Variants in SMOC2 observed in about 807,000 individuals in gnomAD.
The protein encoded by SMOC2 is SPARC related modular calcium binding 2.
A neutral mutation model predicts 61.4 loss-of-function variants in SMOC2; 39 were observed. That is an observed-to-expected ratio of 0.64 (90% confidence interval 0.49 to 0.83). The LOEUF (loss-of-function observed/expected upper bound fraction) is 0.83, where lower values mean the gene tolerates loss of function less well. Among genes scored for constraint, SMOC2 ranks in the 40% least tolerant of loss-of-function variants. The probability of loss-of-function intolerance (pLI) is 0.00; values close to 1 mark genes in which losing one functional copy is unlikely to be tolerated. For missense variants in SMOC2, 556 were observed against 592.9 expected (o/e 0.94, Z 0.65); for synonymous variants, 247 against 239.9 (o/e 1.03, Z -0.27).
chr6:168,506,120 A>T (rs1782867202), intron 1 of SMOC2, among the ~76,000 whole-genome samples: 1 of 151,580 alleles, frequency 6.6e-6, no homozygotes, highest in South Asian at 2.1e-4. Context: ...TGAGCCTCCC[A>T]CCTCAGCCTC....
intron 7 of SMOC2, among the ~76,000 whole-genome samples, chr6:168,563,336 GTGTATGTGTGTATA>G (rs1784466739): frequency 6.6e-6 from 1 of 152,062 alleles, no homozygotes; most frequent in South Asian, 2.1e-4. Context: ...GTTTATATAT[GTGTATGTGTGTATA>G]TGTATGTGTG....
chr6:168,442,845 T>A (rs1781248312), intron 1 of SMOC2, among the ~76,000 whole-genome samples: 1 of 152,190 alleles, frequency 6.6e-6, no homozygotes, highest in Non-Finnish European at 1.5e-5. Context: ...ACAAATGACT[T>A]GTAGATTAGA....
intron 8 of SMOC2, among the ~76,000 whole-genome samples, chr6:168,599,598 C>CCCCCACACACCCACACATAT (rs1562373091): frequency 1.5e-5 from 2 of 133,422 alleles, no homozygotes; most frequent in African/African-American, 6.1e-5. Flanking sequence ...CCCACACATA[C>CCCCCACACACCCACACATAT]CCCCACACAC....
intron 11 of SMOC2, among the ~76,000 whole-genome samples, chr6:168,662,825 A>G (rs1787541034): frequency 6.6e-6 from 1 of 152,152 alleles, no homozygotes; most frequent in Non-Finnish European, 1.5e-5. Flanking sequence ...AGGTGAGATG[A>G]GGAAGGTAGG....
intron 1 of SMOC2, among the ~76,000 whole-genome samples, chr6:168,455,449 G>C (rs1781561926): frequency 6.6e-6 from 1 of 152,188 alleles, no homozygotes; most frequent in African/African-American, 2.4e-5. Context: ...CTGGCAGCTG[G>C]CTGTGGTGGG....
chr6:168,627,845 G>A (rs991663466), intron 9 of SMOC2, among the ~76,000 whole-genome samples: 1 of 152,188 alleles, frequency 6.6e-6, no homozygotes, highest in African/African-American at 2.4e-5. Context: ...GAATTCAAAT[G>A]GAGTCACTTC....
At chr6:168,666,356 G>A (rs1284993098) in intron 12 of SMOC2, 65 bp from the exon 13 acceptor site, 16 of 1,603,016 alleles carry the variant, frequency 1.0e-5, no homozygotes, top group Non-Finnish European at 1.4e-5. Context: ...CCAAGCCTTA[G>A]TCTTCACAGA....
At chr6:168,543,893 G>A (rs377564988) in intron 5 of SMOC2, among the ~76,000 whole-genome samples, 2 of 152,112 alleles carry the variant, frequency 1.3e-5, no homozygotes, top group Non-Finnish European at 2.9e-5. Context: ...TGTGCTCCGA[G>A]GCTTGTTTCG....
intron 1 of SMOC2, among the ~76,000 whole-genome samples, chr6:168,489,169 G>C (rs937141310): frequency 7.0e-6 from 1 of 143,198 alleles, no homozygotes; most frequent in Admixed American, 7.0e-5. Flanking sequence ...ATATCAAATC[G>C]TCTGGGTCCC....
chr6:168,455,604 A>G (rs1340127747), intron 1 of SMOC2, among the ~76,000 whole-genome samples: 2 of 152,224 alleles, frequency 1.3e-5, no homozygotes, highest in African/African-American at 2.4e-5. Flanking sequence ...TTCACCTTAT[A>G]AAGGTTACAC....
intron 9 of SMOC2, among the ~76,000 whole-genome samples, chr6:168,639,157 G>T (rs986443123): frequency 6.6e-6 from 1 of 152,156 alleles, no homozygotes; most frequent in Non-Finnish European, 1.5e-5. Flanking sequence ...ATACTCTGGC[G>T]TCTCAGTCAT....
At chr6:168,628,551 G>A (rs1006760987) in intron 9 of SMOC2, among the ~76,000 whole-genome samples, 10 of 152,170 alleles carry the variant, frequency 6.6e-5, no homozygotes, top group Non-Finnish European at 1.5e-4. Context: ...GTAATTTGGA[G>A]AAATAGTCTA....
At chr6:168,604,001 A>T (rs1303382471) in intron 8 of SMOC2, among the ~76,000 whole-genome samples, 1 of 152,186 alleles carries the variant, frequency 6.6e-6, no homozygotes. Flanking sequence ...AGATGGCATG[A>T]TCTCCCTAAG....
At chr6:168,643,794 T>C (rs1329173157) in intron 9 of SMOC2, among the ~76,000 whole-genome samples, 2 of 152,256 alleles carry the variant, frequency 1.3e-5, no homozygotes, top group East Asian at 3.9e-4. Flanking sequence ...GGCCTCAGTT[T>C]CTCCCTCAGA....
At position 168,474,834 on chromosome 6, in the gene SMOC2, A is replaced by G. The variant is rs776960973; in HGVS notation, c.84+33380A>G. 9.2e-5 allele frequency among the ~76,000 whole-genome samples: 14 copies of G among 152,134 alleles called. 1 individual carries two copies. Among genetic ancestry groups the G allele is most frequent in the Non-Finnish European group, 1.9e-4 (13 of 68,004 alleles). On this transcript the variant is annotated intron_variant, in intron 1 of 12. Transcript: ENST00000356284. Reference sequence around the variant, plus strand: ...TGACACGTCCTTAACCTTTTGAGGCATTTATATTACTCCGTATTTGGATAC... The same window carrying G: ...TGACACGTCCTTAACCTTTTGAGGCGTTTATATTACTCCGTATTTGGATAC...
chr6:168,565,547 G>T (rs539040314), intron 7 of SMOC2, among the ~76,000 whole-genome samples: 1 of 152,228 alleles, frequency 6.6e-6, no homozygotes, highest in South Asian at 2.1e-4. Context: ...CTTCTTAAAG[G>T]CTTTATCTCC....
chr6:168,648,319 G>A (rs1361009859), intron 9 of SMOC2, among the ~76,000 whole-genome samples: 6 of 152,262 alleles, frequency 3.9e-5, no homozygotes, highest in African/African-American at 1.4e-4. Context: ...CCCGGCGCCT[G>A]TCTCGTCGCC....
intron 2 of SMOC2, among the ~76,000 whole-genome samples, chr6:168,519,071 G>T (rs902639056): frequency 4.0e-5 from 6 of 150,750 alleles, no homozygotes; most frequent in Non-Finnish European, 7.4e-5. Flanking sequence ...GTGTGTGAGT[G>T]TATGTATGCG....
In SMOC2 at chr6:168,491,061, C is replaced by T. The variant is rs568266075; in HGVS notation, c.85-18854C>T. Among the ~76,000 whole-genome samples the T allele has an allele frequency of 2.0e-5, 3 of 152,314 alleles. No homozygotes were observed. The East Asian group carries it at 5.8e-4, about 29-fold the overall frequency. On this transcript the variant is annotated intron_variant, in intron 1 of 12. Coordinates refer to ENST00000356284, the MANE Select transcript of SMOC2 (RefSeq NM_001166412.2). ...GGGGCAGCGGGGGCGGCTGGTCTCT[C>T]TCATTAAAAGGTGACCCTGTAGGAC...
Sources: allele counts gnomAD v4.1 joint callset (sites outside exome capture counted in the v4.1 genomes callset), GRCh38; gene constraint gnomAD v4.1.1; transcripts MANE v1.5; gene names NCBI Gene and HGNC (gene_info 2026-07-23, HGNC 2026-07-21).